The following MUC5AC variants were observed in gnomAD, a reference collection of about 807,000 sequenced individuals.
MUC5AC encodes the protein mucin 5AC, oligomeric mucus/gel-forming, also known as mucin-5AC.
A neutral mutation model predicts 169.7 loss-of-function variants in MUC5AC; 158 were observed. That is an observed-to-expected ratio of 0.93 (90% CI 0.82 to 1.06). MUC5AC has a LOEUF of 1.06. Among genes scored for constraint, MUC5AC ranks in the 50% least tolerant of loss-of-function variants. MUC5AC has a pLI of 0.00. For missense variants in MUC5AC, 4,359 were observed against 3,089.9 expected (o/e 1.41, Z -9.74); for synonymous variants, 1,975 against 1,237.0 (o/e 1.60, Z -12.52).
chr11:1,160,145 G>A (rs934564506), intron 1 of MUC5AC, among the ~76,000 whole-genome samples: 4 of 152,138 alleles, frequency 2.6e-5, no homozygotes, highest in African/African-American at 9.7e-5. Context: ...GGACCCTGAA[G>A]ATCAGCCTCC....
Position 1,176,600 on chromosome 11 carries a change from C to T in MUC5AC, c.2589C>T (p.Cys863=). The T allele has an allele frequency of 2.5e-6, 1 of 399,294 alleles. No homozygotes were observed. 24.7% of individuals were successfully genotyped at this position (399,294 alleles called of 1,614,324 possible). A position where few individuals can be genotyped will look rare whatever the true frequency, so the allele number is the denominator to read the frequency against. Residue 863 remains cysteine (C), a synonymous_variant, in exon 21 of 49, where the codon TGC becomes TGT. Transcript: ENST00000621226. ...GCGGCTGCATCACTGCGGAGGACTG[C>T]CCCTGCGTGCACAATGAGGCCAGCT... ...GEGGCITAED[C]PCVHNEASYR... is the part of the protein sequence containing the mutation.
At position 1,199,859 on chromosome 11, in the gene MUC5AC, G is replaced by A. The variant is rs371383651; in HGVS notation, c.16590G>A (p.Ser5530=). The A allele has an allele frequency of 1.2e-5, 9 of 763,350 alleles. No homozygotes were observed. Among genetic ancestry groups the A allele is most frequent in the South Asian group, 6.7e-5 (5 of 74,238 alleles). The allele number at this position is 763,350 out of a possible 1,614,324, so 47.3% of individuals were successfully genotyped here. Residue 5530 remains serine (S), a synonymous_variant, in exon 48 of 49, where the codon TCG becomes TCA. Transcript: ENST00000621226. ...AAACCCTGTGTTCCTCTCCAGAGTC[G>A]ACCTGTGCTGTGTACCATAGGAGCC... ...PPPPPPYQNQ[S]TCAVYHRSLI...
At chr11:1,163,726 C>T (rs927342300) in intron 6 of MUC5AC, among the ~76,000 whole-genome samples, 156 bp from the exon 7 acceptor site, 2 of 152,090 alleles carry the variant, frequency 1.3e-5, no homozygotes, top group South Asian at 2.1e-4. Flanking sequence ...CAAGCGGGTG[C>T]AGTCAGGACA....
chr11:1,192,674 T>G, intron 31 of MUC5AC, 109 bp from the exon 32 acceptor site: 2 of 686,224 alleles, frequency 2.9e-6, no homozygotes, highest in South Asian at 3.3e-5. Context: ...TCTCTGAAAT[T>G]TTTTCCCATT....
chr11:1,197,990 C>G lies in MUC5AC; in HGVS notation c.16121C>G (p.Pro5374Arg), dbSNP rs767172806. 1.1e-5 allele frequency: 8 copies of G among 713,832 alleles called. No homozygotes were observed. Among genetic ancestry groups the G allele is most frequent in the Admixed American group, 1.9e-5 (1 of 52,402 alleles). 44.2% of individuals were successfully genotyped at this position (713,832 alleles called of 1,614,324 possible). A position where few individuals can be genotyped will look rare whatever the true frequency, so the allele number is the denominator to read the frequency against. Residue 5374 changes from proline to arginine, a missense_variant, in exon 42 of 49, where the codon CCA becomes CGA. Physicochemically the swap from Pro to Arg is moderately radical, Grantham distance 103. Transcript: ENST00000621226. ...ACCTACCAGGAGGGGGCCTGCTGCC[C>G]AGTCCAAAACTGCAGTGAGTGGCCT... is the stretch of plus-strand genomic sequence containing the variant. ...IPTYQEGACCPVQNCSWTVCS... is the reference protein window; with the variant it reads ...IPTYQEGACCRVQNCSWTVCS...
chr11:1,175,411 T>G (rs896512685), intron 19 of MUC5AC, 141 bp downstream of exon 19: 2 of 393,452 alleles, frequency 5.1e-6, no homozygotes, highest in Non-Finnish European at 8.9e-6. Context: ...CAGGCATGGT[T>G]TGTGCCCTCT....
At chr11:1,178,008 G>A (rs1011766099) in intron 24 of MUC5AC, among the ~76,000 whole-genome samples, 109 of 152,276 alleles carry the variant, frequency 7.2e-4, no homozygotes, top group African/African-American at 2.5e-3. Flanking sequence ...TTGGATCGCC[G>A]CCCCGTCTTC....
chr11:1,177,930 TG>T (rs1348813808), intron 24 of MUC5AC, among the ~76,000 whole-genome samples: 152,280 of 152,280 alleles, frequency 1, 76,140 homozygotes, highest in Non-Finnish European at 1. Flanking sequence ...CAGAAGGCTC[TG>T]GGGGGCTCCT....
chr11:1,178,791 G>C, intron 25 of MUC5AC, 108 bp downstream of exon 25: 1 of 547,068 alleles, frequency 1.8e-6, no homozygotes, highest in Non-Finnish European at 2.8e-6. Context: ...GCCAACCAAG[G>C]GTGTGGGCTG....
Position 1,191,513 on chromosome 11 carries a change from C to T in MUC5AC, c.13368C>T (p.Ser4456=). The change falls in exon 31 of 49, where the codon AGC becomes AGT. Residue 4456 remains serine, a synonymous_variant. Transcript: ENST00000621226. ...GCACAACCTCTGCTTCTACAACCAG[C>T]ACAATCTCTCTCCCTACAACCAGCA... ...TTSTTSASTT[S]TISLPTTSTT... 1 of 645,312 alleles carries T rather than the reference C, an allele frequency of 1.5e-6. No homozygotes were observed. The highest frequency in any genetic ancestry group is 2.8e-6 in the Non-Finnish European group (1 of 352,666). 40.0% of individuals were successfully genotyped at this position (645,312 alleles called of 1,614,324 possible).
At chr11:1,198,643 C>T (rs565199520) in intron 43 of MUC5AC, among the ~76,000 whole-genome samples, 1 of 152,268 alleles carries the variant, frequency 6.6e-6, no homozygotes, top group Admixed American at 6.5e-5. Context: ...TTGGGCACCC[C>T]ATCCAAGGGG....
chr11:1,196,151 G>A (rs540207425), intron 37 of MUC5AC, 97 bp downstream of exon 37: 1 of 632,156 alleles, frequency 1.6e-6, no homozygotes. Flanking sequence ...GTCAGGGGGG[G>A]ACCTGGAGGA....
Position 1,177,079 on chromosome 11 carries a change from G to A in MUC5AC, c.2793+13G>A, listed in dbSNP as rs1424418063. The A allele has an allele frequency of 2.3e-5, 9 of 398,658 alleles. No individual in the cohort carries two copies. The highest frequency in any genetic ancestry group is 6.2e-5 in the African/African-American group (3 of 48,752). The allele number at this position is 398,658 out of a possible 1,614,324, so 24.7% of individuals were successfully genotyped here. On this transcript the variant is annotated intron_variant, in intron 22 of 48. Transcript: ENST00000621226. ...CACGCTGGTGCAGGTGAGCCGGCGC[G>A]TTTGGGGTCCTCACGGCGGCCCCCG...
chr11:1,165,484 A>G (rs35917282), intron 10 of MUC5AC, 65 bp downstream of exon 10: 672,852 of 1,584,404 alleles, frequency 0.42, 147,663 homozygotes, highest in African/African-American at 0.74. Flanking sequence ...TGGGGGTTGC[A>G]ACCCAGGCCG....
At position 1,185,741 on chromosome 11, in the gene MUC5AC, C is replaced by G; in HGVS notation, c.7596C>G (p.Pro2532=). The part of the protein sequence containing the change: ...TSTTSGAGTT[P]SPVPTTSTTS... ...CAACCTCTGGTGCTGGAACTACTCCCAGCCCTGTTCCCACCACCAGCACAA... is the reference window on the plus strand; with the variant it reads ...CAACCTCTGGTGCTGGAACTACTCCGAGCCCTGTTCCCACCACCAGCACAA... Residue 2532 remains proline, a synonymous_variant, in exon 31 of 49, where the codon CCC becomes CCG. Coordinates refer to ENST00000621226, the MANE Select transcript of MUC5AC (RefSeq NM_001304359.2). The G allele has an allele frequency of 8.2e-6, 6 of 733,396 alleles. No homozygotes were observed. Among genetic ancestry groups the G allele is most frequent in the Non-Finnish European group, 1.5e-5 (6 of 400,566 alleles). The allele number at this position is 733,396 out of a possible 1,614,324, so 45.4% of individuals were successfully genotyped here.
At chr11:1,163,836 G>T (rs774958984) in intron 6 of MUC5AC, 46 bp from the exon 7 acceptor site, 2 of 1,470,376 alleles carry the variant, frequency 1.4e-6, no homozygotes, top group African/African-American at 2.8e-5. Context: ...CTGGGCTGAC[G>T]GGTACCGGGA....
chr11:1,188,172 G>A lies in MUC5AC; in HGVS notation c.10027G>A (p.Ala3343Thr). The A allele has an allele frequency of 4.3e-6, 3 of 701,146 alleles. No homozygotes were observed. The highest frequency in any genetic ancestry group is 7.8e-6 in the Non-Finnish European group (3 of 385,810). The allele number at this position is 701,146 out of a possible 1,614,324, so 43.4% of individuals were successfully genotyped here. A position where few individuals can be genotyped will look rare whatever the true frequency, so the allele number is the denominator to read the frequency against. ...AGCTCCTAGCACCCCTAGTGGGAGAGCCACCAGCCCAACTCAGAGCACTTC... is the reference window on the plus strand; with the variant it reads ...AGCTCCTAGCACCCCTAGTGGGAGAACCACCAGCCCAACTCAGAGCACTTC... ...VTAPSTPSGR[A>T]TSPTQSTSSW... The change falls in exon 31 of 49, where the codon GCC (alanine) becomes ACC (threonine). Residue 3343 changes from alanine (A) to threonine (T), a missense_variant. Ala to Thr is a moderately conservative substitution (Grantham distance 58, BLOSUM62 0). Coordinates refer to ENST00000621226, the MANE Select transcript of MUC5AC (RefSeq NM_001304359.2).
Position 1,192,127 on chromosome 11 carries a change from G to A in MUC5AC, c.13982G>A (p.Gly4661Glu). The change falls in exon 31 of 49, where the codon GGG becomes GAG. Residue 4661 changes from glycine to glutamate, a missense_variant. Coordinates refer to ENST00000621226, the MANE Select transcript of MUC5AC (RefSeq NM_001304359.2). ...KETYNNIIRSGEKICRRPEEI... is the reference protein window; with the variant it reads ...KETYNNIIRSEEKICRRPEEI... Reference sequence around the variant, plus strand: ...ACCTACAACAACATCATCAGGAGTGGGGAAAAAATCTGCCGCCGACCTGAG... The same window carrying A: ...ACCTACAACAACATCATCAGGAGTGAGGAAAAAATCTGCCGCCGACCTGAG... 1.3e-6 allele frequency: 1 copy of A among 765,080 alleles called. No individual in the cohort carries two copies. The highest frequency in any genetic ancestry group is 2.4e-6 in the Non-Finnish European group (1 of 417,894). The allele number at this position is 765,080 out of a possible 1,614,324, so 47.4% of individuals were successfully genotyped here. A position where few individuals can be genotyped will look rare whatever the true frequency, so the allele number is the denominator to read the frequency against.
chr11:1,160,376 T>C (rs1860102635), intron 1 of MUC5AC, among the ~76,000 whole-genome samples: 1 of 151,950 alleles, frequency 6.6e-6, no homozygotes, highest in Non-Finnish European at 1.5e-5. Flanking sequence ...CGCCACCTGC[T>C]CCATGGGGCC....
Sources: gnomAD v4.1 joint callset for allele counts (sites outside exome capture counted in the v4.1 genomes callset) on GRCh38, gnomAD v4.1.1 for gene constraint, MANE v1.5 for transcripts, NCBI Gene and HGNC (gene_info 2026-07-23, HGNC 2026-07-21) for gene names.